Variants in DTNB observed in about 807,000 individuals in gnomAD.
DTNB encodes the protein DTN-B.
A neutral mutation model predicts 90.7 loss-of-function variants in DTNB; 63 were observed. That is an observed-to-expected ratio of 0.69 (90% CI 0.57 to 0.86). The LOEUF is 0.86. Ranked by LOEUF, DTNB falls within the 40% of genes least tolerant of loss-of-function variation. The pLI is 0.00. For synonymous variants in DTNB, 277 were observed against 286.7 expected, an observed-to-expected ratio of 0.97 and a Z score of 0.34; for missense variants, 744 against 807.1, an observed-to-expected ratio of 0.92 and a Z score of 0.95.
intron 4 of DTNB, among the ~76,000 whole-genome samples, chr2:25,618,115 T>G (rs1221653484): frequency 6.6e-6 from 1 of 152,152 alleles, no homozygotes; most frequent in Non-Finnish European, 1.5e-5. Context: ...ACAGAATGCT[T>G]TTCTTGGCAC....
chr2:25,456,583 G>GT (rs1191228581), intron 10 of DTNB, among the ~76,000 whole-genome samples: 2 of 151,144 alleles, frequency 1.3e-5, no homozygotes, highest in African/African-American at 2.4e-5. Context: ...TTGTTTTTTT[G>GT]TTTTTTTGAG....
intron 2 of DTNB, among the ~76,000 whole-genome samples, chr2:25,646,648 T>A (rs2079525078): frequency 6.6e-6 from 1 of 152,190 alleles, no homozygotes; most frequent in Non-Finnish European, 1.5e-5. Context: ...ACCAGAATAC[T>A]TTTAAATCTA....
At chr2:25,497,821 A>G (rs1252094565) in intron 9 of DTNB, among the ~76,000 whole-genome samples, 2 of 152,160 alleles carry the variant, frequency 1.3e-5, no homozygotes, top group East Asian at 3.9e-4. Context: ...CCCCACTGCC[A>G]CCATCACATT....
At position 25,577,052 on chromosome 2, in the gene DTNB, G is replaced by A. The variant is rs534076387; in HGVS notation, c.710-48C>T. ...GGAGAAAAAAGGGCAGGAGGGAAGG[G>A]ATAGAATAAAAGAAGAAAGAATAAA... On this transcript the variant is annotated intron_variant, in intron 7 of 20. Coordinates refer to ENST00000406818, the MANE Select transcript of DTNB (RefSeq NM_021907.5). 5 of 1,486,110 alleles carry A rather than the reference G, an allele frequency of 3.4e-6. No homozygotes were observed. The South Asian group carries it at 6.6e-5, about 20-fold the overall frequency. The allele number at this position is 1,486,110 out of a possible 1,614,324, so 92.1% of individuals were successfully genotyped here. A position where few individuals can be genotyped will look rare whatever the true frequency, so the allele number is the denominator to read the frequency against.
At chr2:25,390,418 ACTTTTTCTTTT>A (rs780284044) in intron 16 of DTNB, among the ~76,000 whole-genome samples, 31 of 152,030 alleles carry the variant, frequency 2.0e-4, no homozygotes, top group Admixed American at 3.3e-4. Context: ...GAAATTTTAA[ACTTTTTCTTTT>A]CTTTTTCTTT....
At chr2:25,550,339 C>T (rs375927002) in intron 8 of DTNB, among the ~76,000 whole-genome samples, 122 of 152,038 alleles carry the variant, frequency 8.0e-4, no homozygotes, top group African/African-American at 2.7e-3. Context: ...TGCAGTGAGC[C>T]GAGATCGCGC....
intron 10 of DTNB, among the ~76,000 whole-genome samples, chr2:25,457,966 T>C (rs989727690): frequency 9.2e-5 from 14 of 152,088 alleles, no homozygotes; most frequent in African/African-American, 3.4e-4. Flanking sequence ...CCCAAGTAGC[T>C]GGAACTACAG....
chr2:25,497,222 C>T (rs1348833694), intron 9 of DTNB: 2 of 152,234 alleles, frequency 1.3e-5, no homozygotes, highest in African/African-American at 4.8e-5. Context: ...ACAAAGCAGT[C>T]AAATGACAGG....
At chr2:25,613,297 C>T (rs1293975781) in intron 4 of DTNB, among the ~76,000 whole-genome samples, 10 of 152,008 alleles carry the variant, frequency 6.6e-5, no homozygotes, top group Non-Finnish European at 1.5e-4. Flanking sequence ...TTATTACATG[C>T]GTATATTGCG....
At chr2:25,549,649 T>G (rs2083173501) in intron 8 of DTNB, among the ~76,000 whole-genome samples, 1 of 152,106 alleles carries the variant, frequency 6.6e-6, no homozygotes, top group Non-Finnish European at 1.5e-5. Flanking sequence ...TTTTCCTGAT[T>G]TATTTGCTTC....
At chr2:25,619,916 T>A (rs1051055201) in intron 4 of DTNB, among the ~76,000 whole-genome samples, 3 of 152,102 alleles carry the variant, frequency 2.0e-5, no homozygotes, top group Non-Finnish European at 2.9e-5. Flanking sequence ...GGTACACACC[T>A]GTAATCCCAG....
intron 6 of DTNB, among the ~76,000 whole-genome samples, chr2:25,592,169 T>C (rs992093830): frequency 6.6e-6 from 1 of 152,156 alleles, no homozygotes. Context: ...GCCTTCATTA[T>C]TTTGGGGCAA....
At chr2:25,383,742 T>C in intron 19 of DTNB, 94 bp downstream of exon 19, 5 of 1,611,182 alleles carry the variant, frequency 3.1e-6, no homozygotes, top group South Asian at 1.1e-5. Context: ...GGAAAGGTGG[T>C]GGCAGGGAGG....
chr2:25,383,544 T>TA lies in DTNB; in HGVS notation c.1879+291dup. On this transcript the variant is annotated intron_variant, in intron 19 of 20. Transcript: ENST00000406818. ...TGGTCTTGCTTTATTAACTAGATCA[T>TA]AAACTTCTCCAGTCAAAGGGTCATC... is the stretch of plus-strand genomic sequence containing the variant. 6.0e-6 allele frequency: 3 copies of TA among 496,758 alleles called. No homozygotes were observed. In the South Asian group the frequency reaches 6.9e-5, roughly 11 times the overall value. 30.8% of individuals were successfully genotyped at this position (496,758 alleles called of 1,614,324 possible).
At chr2:25,597,280 G>A (rs1250180892) in intron 5 of DTNB, among the ~76,000 whole-genome samples, 1 of 151,648 alleles carries the variant, frequency 6.6e-6, no homozygotes, top group Non-Finnish European at 1.5e-5. Flanking sequence ...ACAGTGAGCC[G>A]TGATGCCATG....
At chr2:25,559,695 G>C (rs2057957235) in intron 8 of DTNB, among the ~76,000 whole-genome samples, 2 of 152,208 alleles carry the variant, frequency 1.3e-5, no homozygotes, top group South Asian at 4.1e-4. Flanking sequence ...GCAGAAGAGT[G>C]AATATTACCT....
chr2:25,419,751 T>G, intron 15 of DTNB, among the ~76,000 whole-genome samples: 1 of 152,058 alleles, frequency 6.6e-6, no homozygotes, highest in East Asian at 1.9e-4. Flanking sequence ...GATTCAATGC[T>G]AACTCCTAGA....
chr2:25,516,972 A>T (rs1413989217), intron 9 of DTNB, among the ~76,000 whole-genome samples: 5 of 152,226 alleles, frequency 3.3e-5, no homozygotes, highest in Admixed American at 2.0e-4. Flanking sequence ...ACTAAAGACA[A>T]ATGAAAACAT....
At chr2:25,671,643 C>T (rs2085934239) in intron 1 of DTNB, among the ~76,000 whole-genome samples, 1 of 152,190 alleles carries the variant, frequency 6.6e-6, no homozygotes, top group Non-Finnish European at 1.5e-5. Context: ...AATTTTCTAA[C>T]CATAGGTAGA....
Sources: allele counts gnomAD v4.1 joint callset (sites outside exome capture counted in the v4.1 genomes callset), GRCh38; gene constraint gnomAD v4.1.1; transcripts MANE v1.5; gene names NCBI Gene and HGNC (gene_info 2026-07-23, HGNC 2026-07-21).